LAMA5: variants seen among roughly 807,000 people sequenced by gnomAD.
LAMA5 encodes laminin subunit alpha-5.
A neutral mutation model predicts 433.4 loss-of-function variants in LAMA5; 260 were observed. The observed-to-expected ratio is 0.60, with a 90% CI of 0.54 to 0.66. LAMA5 has a LOEUF of 0.66. Among genes scored for constraint, LAMA5 ranks in the 30% least tolerant of loss-of-function variants. The probability of loss-of-function intolerance (pLI) is 0.00; values close to 1 mark genes in which losing one functional copy is unlikely to be tolerated. For synonymous variants in LAMA5, 2,620 were observed against 2,226.6 expected, an observed-to-expected ratio of 1.18 and a Z score of -4.97; for missense variants, 5,378 against 5,258.5, an observed-to-expected ratio of 1.02 and a Z score of -0.70.
rs773452882 is a variant in LAMA5 at position 62,310,437 on chromosome 20, C to A, written c.10582G>T (p.Gly3528Trp). 1.2e-6 allele frequency: 2 copies of A among 1,604,662 alleles called. No homozygotes were observed. The highest frequency in any genetic ancestry group is 1.3e-5 in the African/African-American group (1 of 74,690). The change falls in exon 76 of 80, where the codon GGG (glycine) becomes TGG (tryptophan). Residue 3528 changes from glycine (G) to tryptophan (W), a missense_variant. Physicochemically the swap from Gly to Trp is radical, Grantham distance 184. Coordinates refer to ENST00000252999, the MANE Select transcript of LAMA5 (RefSeq NM_005560.6). Reference protein sequence around the residue: ...LEAGLFFPGSGGVITLDLPGA... With the variant: ...LEAGLFFPGSWGVITLDLPGA... ...CACAGACCTAAAGTGATAACTCCCCCGCTGCCTGGGAAGAACAGGCCCGCC... is the reference window on the plus strand; with the variant it reads ...CACAGACCTAAAGTGATAACTCCCCAGCTGCCTGGGAAGAACAGGCCCGCC...
In LAMA5 at chr20:62,313,150, G is replaced by A. The variant is rs1003744317; in HGVS notation, c.8893C>T (p.Arg2965Cys). ...SFDSQISTTK[R>C]FEQELRLVSY... is the part of the protein sequence containing the mutation. ...ACGAGCCGCAGCTCCTGCTCGAAGCGCTTGGTGGTGCTGATCTGACTGTCG... is the reference window on the plus strand; with the variant it reads ...ACGAGCCGCAGCTCCTGCTCGAAGCACTTGGTGGTGCTGATCTGACTGTCG... The change falls in exon 65 of 80, where the codon CGC becomes TGC. Residue 2965 changes from arginine to cysteine, a missense_variant. Coordinates refer to ENST00000252999, the MANE Select transcript of LAMA5 (RefSeq NM_005560.6). 3.1e-6 allele frequency: 5 copies of A among 1,603,752 alleles called. No homozygotes were observed. Among genetic ancestry groups the A allele is most frequent in the Non-Finnish European group, 4.2e-6 (5 of 1,177,996 alleles).
intron 41 of LAMA5, 53 bp downstream of exon 41, chr20:62,325,263 G>C (rs904999226): frequency 1.7e-6 from 2 of 1,177,564 alleles, no homozygotes; most frequent in Non-Finnish European, 2.4e-6. Flanking sequence ...ATGCTGGAGG[G>C]AAGGGTGTGC....
rs140927746 is a variant in LAMA5, at chr20:62,333,441, G to A, written c.3062C>T (p.Ala1021Val). 2.2e-3 allele frequency: 3,485 copies of A among 1,612,724 alleles called. 8 individuals carry two copies. The highest frequency in any genetic ancestry group is 2.4e-3 in the Non-Finnish European group (2,843 of 1,179,888). ...VLLPSAYYEA[A>V]LLQLRVTEAC... Reference sequence around the variant, plus strand: ...CTCAGTCACCCGCAGCTGCAGGAGCGCCGCCTCGTAGTATGCGCTAGGCAG... The same window carrying A: ...CTCAGTCACCCGCAGCTGCAGGAGCACCGCCTCGTAGTATGCGCTAGGCAG... The change falls in exon 25 of 80, where the codon GCG (alanine) becomes GTG (valine). Residue 1021 changes from alanine (A) to valine (V), a missense_variant. By Grantham distance (64) the Ala-to-Val change is moderately conservative. Transcript: ENST00000252999.
intron 28 of LAMA5, 62 bp from the exon 29 acceptor site, chr20:62,331,191 C>T (rs1246360429): frequency 5.7e-5 from 38 of 661,116 alleles, no homozygotes; most frequent in Non-Finnish European, 7.2e-5. Flanking sequence ...GGGGTGCAGG[C>T]GGTACGATGG....
intron 73 of LAMA5, 22 bp downstream of exon 73, chr20:62,311,140 C>T (rs982557170): frequency 6.4e-7 from 1 of 1,566,954 alleles, no homozygotes; most frequent in Non-Finnish European, 8.6e-7. Context: ...TCTCAGCCCA[C>T]CCCAGCCGGG....
Position 62,316,779 on chromosome 20 carries a change from G to A in LAMA5, c.7654-6C>T, listed in dbSNP as rs1986978419. On this transcript the variant is annotated splice_polypyrimidine_tract_variant and splice_region_variant and intron_variant, in intron 56 of 79. Transcript: ENST00000252999. ...AGGCCCTGCCGCACCACCGTCTGTG[G>A]ATGCCAGGGCAGACCGTGGCTCAGA... 1.2e-6 allele frequency: 2 copies of A among 1,600,768 alleles called. No homozygotes were observed. Among genetic ancestry groups the A allele is most frequent in the Non-Finnish European group, 8.5e-7 (1 of 1,173,842 alleles).
At chr20:62,309,643 G>GGGTGGGAGGGGGTGGGGGA in intron 79 of LAMA5, 73 bp downstream of exon 79, 1 of 1,099,740 alleles carries the variant, frequency 9.1e-7, no homozygotes, top group Non-Finnish European at 1.2e-6. Flanking sequence ...GAGGGGTGGG[G>GGGTGGGAGGGGGTGGGGGA]GGAGGGTGGT....
chr20:62,318,797 G>T, intron 52 of LAMA5, 46 bp downstream of exon 52: 4 of 1,597,496 alleles, frequency 2.5e-6, no homozygotes, highest in Non-Finnish European at 3.4e-6. Flanking sequence ...GAGCTCCCAG[G>T]TCCCTGCCTC....
At chr20:62,332,102 CTGTGCCAGGAGGTGG>C (rs1980571959) in intron 28 of LAMA5, among the ~76,000 whole-genome samples, 7 of 151,942 alleles carry the variant, frequency 4.6e-5, no homozygotes, top group Middle Eastern at 3.2e-3. Context: ...CCAACGCTGT[CTGTGCCAGGAGGTGG>C]CTGCCCTGGG....
At chr20:62,327,019 G>A (rs1039383278) in intron 38 of LAMA5, 53 bp from the exon 39 acceptor site, 1 of 1,366,326 alleles carries the variant, frequency 7.3e-7, no homozygotes, top group Admixed American at 1.8e-5. Flanking sequence ...CACAGGCTCA[G>A]AGCCCGTCAG....
At chr20:62,314,512 C>T (rs761136443) in intron 61 of LAMA5, 43 bp downstream of exon 61, 1 of 1,607,272 alleles carries the variant, frequency 6.2e-7, no homozygotes, top group Admixed American at 1.7e-5. Flanking sequence ...CATTTCCAAA[C>T]AGAGCCTGAG....
In LAMA5 at chr20:62,353,205, C is replaced by A. The variant is rs763626394; in HGVS notation, c.497G>T (p.Arg166Leu). 2 of 1,589,648 alleles carry A rather than the reference C, an allele frequency of 1.3e-6. No individual in the cohort carries two copies. The highest frequency in any genetic ancestry group is 1.7e-4 in the Middle Eastern group (1 of 6,028). Reference sequence around the variant, plus strand: ...CCGCTCCAGCACCCAGAGGTCCGGCCGGGGTGAGTTGGCAAACTTGATGAG... The same window carrying A: ...CCGCTCCAGCACCCAGAGGTCCGGCAGGGGTGAGTTGGCAAACTTGATGAG... ...YVLIKFANSP[R>L]PDLWVLERSM... is the part of the protein sequence containing the mutation. The change falls in exon 3 of 80, where the codon CGG becomes CTG. Residue 166 changes from arginine to leucine, a missense_variant. Arg to Leu is a moderately radical substitution (Grantham distance 102). Coordinates refer to ENST00000252999, the MANE Select transcript of LAMA5 (RefSeq NM_005560.6).
intron 18 of LAMA5, among the ~76,000 whole-genome samples, chr20:62,335,844 C>T (rs1981508544): frequency 1.5e-5 from 2 of 133,454 alleles, no homozygotes; most frequent in South Asian, 5.3e-4. Flanking sequence ...TCATGGACTC[C>T]AGTACCCCCC....
At chr20:62,337,427 C>A (rs1190066037) in intron 16 of LAMA5, among the ~76,000 whole-genome samples, 163 bp downstream of exon 16, 4 of 152,258 alleles carry the variant, frequency 2.6e-5, no homozygotes, top group Non-Finnish European at 4.4e-5. Flanking sequence ...GACACCCCTG[C>A]ACGGCATGTG....
At position 62,367,118 on chromosome 20, in the gene LAMA5, A is replaced by G. The variant is rs1370569469; in HGVS notation, c.128T>C (p.Phe43Ser). Residue 43 changes from phenylalanine to serine, a missense_variant, in exon 1 of 80, where the codon TTC (phenylalanine) becomes TCC (serine). By Grantham distance (155) the Phe-to-Ser change is radical (BLOSUM62 -2). Coordinates refer to ENST00000252999, the MANE Select transcript of LAMA5 (RefSeq NM_005560.6). ...GTTGAAGTAGGGCGGGTGCAGGCTG[A>G]AGCCGCCGCCCGCCTCCTCCCGCGC... Reference protein sequence around the residue: ...ARAREEAGGGFSLHPPYFNLA... With the variant: ...ARAREEAGGGSSLHPPYFNLA... 1 of 1,276,546 alleles carries G rather than the reference A, an allele frequency of 7.8e-7. No homozygotes were observed. The highest frequency in any genetic ancestry group is 9.9e-7 in the Non-Finnish European group (1 of 1,014,754). 79.1% of individuals were successfully genotyped at this position (1,276,546 alleles called of 1,614,324 possible).
At chr20:62,338,197 C>G (rs371053844) in intron 13 of LAMA5, 35 bp downstream of exon 13, 2 of 1,574,492 alleles carry the variant, frequency 1.3e-6, no homozygotes, top group African/African-American at 2.7e-5. Flanking sequence ...CACGGGCCTC[C>G]CCTACCCACG....
rs540007326 is a variant in LAMA5 at position 62,319,732 on chromosome 20, C to A, written c.6823G>T (p.Ala2275Ser). 71 of 1,549,078 alleles carry A rather than the reference C, an allele frequency of 4.6e-5. No homozygotes were observed. The highest frequency in any genetic ancestry group is 5.3e-5 in the Non-Finnish European group (61 of 1,147,678). ...LAGTEATLGHAKTLLAAIRAV... is the reference protein window; with the variant it reads ...LAGTEATLGHSKTLLAAIRAV... ...CGGATGGCCGCCAACAGCGTCTTCG[C>A]ATGGCCCAGTGTGGCCTCGGTGCCG... is the stretch of plus-strand genomic sequence containing the variant. The change falls in exon 51 of 80, where the codon GCG becomes TCG. Residue 2275 changes from alanine to serine, a missense_variant. By Grantham distance (99) the Ala-to-Ser change is moderately conservative. Transcript: ENST00000252999.
chr20:62,353,137 C>A lies in LAMA5; in HGVS notation c.565G>T (p.Ala189Ser). The A allele has an allele frequency of 7.6e-6, 12 of 1,572,334 alleles. No individual in the cohort carries two copies. The highest frequency in any genetic ancestry group is 1.0e-5 in the Non-Finnish European group (12 of 1,158,854). Residue 189 changes from alanine to serine, a missense_variant, in exon 3 of 80, where the codon GCC (alanine) becomes TCC (serine). Ala to Ser is a moderately conservative substitution (Grantham distance 99, BLOSUM62 1). Coordinates refer to ENST00000252999, the MANE Select transcript of LAMA5 (RefSeq NM_005560.6). ...GRTYQPWQFF[A>S]SSKRDCLERF... ...CCCCACGGCGGCAGAGACTCACAGG[C>A]AAAGAACTGCCAGGGCTGGTAGGTG...
At position 62,332,676 on chromosome 20, in the gene LAMA5, G is replaced by A. The variant is rs1197441355; in HGVS notation, c.3324C>T (p.Arg1108=). 1.2e-6 allele frequency: 2 copies of A among 1,611,114 alleles called. No homozygotes were observed. The highest frequency in any genetic ancestry group is 1.7e-6 in the Non-Finnish European group (2 of 1,179,296). ...QLQVAVPQPG[R]YALVVEYANE... ...TGGCGTACTCCACCACTAGGGCATA[G>A]CGGCCTGGCTGTGGCACTGCCACTT... Residue 1108 remains arginine (R), a synonymous_variant, in exon 27 of 80, where the codon CGC becomes CGT. Coordinates refer to ENST00000252999, the MANE Select transcript of LAMA5 (RefSeq NM_005560.6).
Sources: gnomAD v4.1 joint callset for allele counts (sites outside exome capture counted in the v4.1 genomes callset) on GRCh38, gnomAD v4.1.1 for gene constraint, MANE v1.5 for transcripts, NCBI Gene and HGNC (gene_info 2026-07-23, HGNC 2026-07-21) for gene names.